The following MYO6 variants were observed in gnomAD, a reference collection of about 807,000 sequenced individuals.
MYO6 encodes unconventional myosin-VI.
In MYO6, 74 loss-of-function variants were observed where a neutral mutation model predicts 178.7. The observed-to-expected ratio is 0.41, with a 90% CI of 0.34 to 0.50. MYO6 has a LOEUF of 0.50. MYO6 is among the 20% of genes least tolerant of loss of function. The pLI, the probability that MYO6 is intolerant of heterozygous loss-of-function variation, is 0.09. For missense variants in MYO6, 1,330 were observed against 1,547.4 expected (o/e 0.86, Z 2.36); for synonymous variants, 477 against 504.6 (o/e 0.95, Z 0.73).
intron 1 of MYO6, among the ~76,000 whole-genome samples, chr6:75,767,055 T>C (rs938921559): frequency 1.5e-4 from 23 of 152,142 alleles, no homozygotes; most frequent in African/African-American, 5.5e-4. Flanking sequence ...AGATGGAGTC[T>C]TGCTCTGTCG....
At chr6:75,853,723 C>T (rs1328206820) in intron 11 of MYO6, among the ~76,000 whole-genome samples, 1 of 152,120 alleles carries the variant, frequency 6.6e-6, no homozygotes, top group Non-Finnish European at 1.5e-5. Context: ...ATGATTTTCA[C>T]ACATTCTTTG....
At chr6:75,804,245 G>A (rs539531701) in intron 1 of MYO6, among the ~76,000 whole-genome samples, 4 of 152,342 alleles carry the variant, frequency 2.6e-5, no homozygotes, top group African/African-American at 9.6e-5. Context: ...CGAAATGCTT[G>A]ATAAAAGATT....
intron 14 of MYO6, among the ~76,000 whole-genome samples, chr6:75,860,496 C>A (rs1030391284): frequency 2.0e-5 from 3 of 152,060 alleles, no homozygotes; most frequent in Admixed American, 6.5e-5. Context: ...TTATGTTCAC[C>A]TTTTTAATAT....
intron 5 of MYO6, among the ~76,000 whole-genome samples, chr6:75,831,541 A>AT (rs1274807047): frequency 1.3e-5 from 2 of 152,242 alleles, no homozygotes; most frequent in Non-Finnish European, 2.9e-5. Context: ...TTTAAAATGT[A>AT]AATAAACTAG....
intron 1 of MYO6, among the ~76,000 whole-genome samples, chr6:75,800,456 G>C (rs1426899228): frequency 6.6e-6 from 1 of 152,148 alleles, no homozygotes; most frequent in Non-Finnish European, 1.5e-5. Context: ...AGCTGAAGTA[G>C]GCTAAGGTGT....
At chr6:75,770,374 A>G (rs1032647697) in intron 1 of MYO6, among the ~76,000 whole-genome samples, 9 of 152,144 alleles carry the variant, frequency 5.9e-5, no homozygotes, top group African/African-American at 9.7e-5. Context: ...GTAATGAGAT[A>G]CCTAGTTGAA....
At chr6:75,818,211 T>G (rs1332260149) in intron 2 of MYO6, among the ~76,000 whole-genome samples, 1 of 152,216 alleles carries the variant, frequency 6.6e-6, no homozygotes, top group Non-Finnish European at 1.5e-5. Context: ...TTTGCATGCT[T>G]AGACATAAAC....
At chr6:75,898,240 C>A in intron 29 of MYO6, 133 bp from the exon 30 acceptor site, 1 of 597,246 alleles carries the variant, frequency 1.7e-6, no homozygotes, top group African/African-American at 1.9e-5. Context: ...TAGGCATTAA[C>A]AAAGTAAAAC....
At chr6:75,840,540 T>C in intron 7 of MYO6, 45 bp from the exon 8 acceptor site, 1 of 1,275,830 alleles carries the variant, frequency 7.8e-7, no homozygotes, top group Non-Finnish European at 1.1e-6. Context: ...TTTTGTAATG[T>C]TCCGTCATGC....
intron 1 of MYO6, among the ~76,000 whole-genome samples, chr6:75,788,680 C>T (rs1044790628): frequency 3.9e-5 from 6 of 152,194 alleles, no homozygotes; most frequent in African/African-American, 9.7e-5. Flanking sequence ...TCAAGTGGTC[C>T]TCCTGCCTTG....
Position 75,844,932 on chromosome 6 carries a change from C to T in MYO6, c.852C>T (p.Asn284=). The T allele has an allele frequency of 1.2e-6, 2 of 1,613,048 alleles. No homozygotes were observed. Among genetic ancestry groups the T allele is most frequent in the Non-Finnish European group, 1.7e-6 (2 of 1,179,448 alleles). ...LNRGCTRYFA[N]KETDKQILQN... is the part of the protein sequence containing the mutation. ...GAGGCTGCACTAGATACTTTGCTAACAAAGAAACTGACAAACAGATTTTAC... is the reference window on the plus strand; with the variant it reads ...GAGGCTGCACTAGATACTTTGCTAATAAAGAAACTGACAAACAGATTTTAC... Residue 284 remains asparagine, a synonymous_variant, in exon 10 of 35, where the codon AAC becomes AAT. Coordinates refer to ENST00000369977, the MANE Select transcript of MYO6 (RefSeq NM_004999.4).
chr6:75,882,021 TAA>T (rs1778073003), intron 23 of MYO6, among the ~76,000 whole-genome samples: 1 of 152,210 alleles, frequency 6.6e-6, no homozygotes, highest in Non-Finnish European at 1.5e-5. Context: ...AAATGTGTTA[TAA>T]GAGTGTCAGT....
chr6:75,796,543 A>G (rs2150103440), intron 1 of MYO6, among the ~76,000 whole-genome samples: 1 of 151,958 alleles, frequency 6.6e-6, no homozygotes, highest in South Asian at 2.1e-4. Context: ...TCAGGTGGTG[A>G]GGACAGTACC....
At chr6:75,806,735 A>G (rs956143165) in intron 1 of MYO6, among the ~76,000 whole-genome samples, 3 of 152,234 alleles carry the variant, frequency 2.0e-5, no homozygotes, top group African/African-American at 7.2e-5. Context: ...GCTGCAGATA[A>G]CTAGCCAGAC....
At chr6:75,845,350 TG>T (rs1025458569) in intron 10 of MYO6, among the ~76,000 whole-genome samples, 1 of 152,178 alleles carries the variant, frequency 6.6e-6, no homozygotes, top group African/African-American at 2.4e-5. Context: ...ATTTCAAGGC[TG>T]ACGTGAGGTT....
chr6:75,906,383 A>G (rs1780324503), intron 30 of MYO6, among the ~76,000 whole-genome samples: 1 of 152,182 alleles, frequency 6.6e-6, no homozygotes, highest in Non-Finnish European at 1.5e-5. Flanking sequence ...TATATGCATA[A>G]AAGTCTTAAA....
rs1773271545 is a variant in MYO6 at position 75,833,011 on chromosome 6, G to A, written c.497+64G>A. The A allele has an allele frequency of 6.3e-6, 7 of 1,119,712 alleles. No individual in the cohort carries two copies. In the South Asian group the frequency reaches 8.7e-5, roughly 14 times the overall value. The allele number at this position is 1,119,712 out of a possible 1,614,324, so 69.4% of individuals were successfully genotyped here. On this transcript the variant is annotated intron_variant, in intron 6 of 34. Transcript: ENST00000369977. ...ATCTTTTTTTTCCCCCCTTGAGATA[G>A]GGTCTTACTGTGTCACCCAGGGTGG...
chr6:75,817,675 C>A lies in MYO6; in HGVS notation c.117+11C>A. Reference sequence around the variant, plus strand: ...AATCAGAAAGGCAAGGTGAGTTTCTCAGAAAGATGTTGAAATATGATTTCT... The same window carrying A: ...AATCAGAAAGGCAAGGTGAGTTTCTAAGAAAGATGTTGAAATATGATTTCT... On this transcript the variant is annotated intron_variant, in intron 2 of 34. Coordinates refer to ENST00000369977, the MANE Select transcript of MYO6 (RefSeq NM_004999.4). 6.2e-6 allele frequency: 10 copies of A among 1,605,222 alleles called. No individual in the cohort carries two copies. Among genetic ancestry groups the A allele is most frequent in the Non-Finnish European group, 8.5e-6 (10 of 1,171,956 alleles).
chr6:75,854,275 CTTTTTTTTTT>C (rs61398235), intron 11 of MYO6, among the ~76,000 whole-genome samples: 1 of 45,470 alleles, frequency 2.2e-5, no homozygotes, highest in Non-Finnish European at 3.6e-5. Flanking sequence ...AACTGCATTG[CTTTTTTTTTT>C]TTTTTTTTTT....
Sources: allele counts gnomAD v4.1 joint callset (sites outside exome capture counted in the v4.1 genomes callset), GRCh38; gene constraint gnomAD v4.1.1; transcripts MANE v1.5; gene names NCBI Gene and HGNC (gene_info 2026-07-23, HGNC 2026-07-21).